The following CCBE1 variants were observed in gnomAD, a reference collection of about 807,000 sequenced individuals.
CCBE1 encodes collagen and calcium binding EGF domains 1.
CCBE1 carries 37 observed loss-of-function variants against 50.0 expected under a neutral mutation model. That is an observed-to-expected ratio of 0.74 (90% CI 0.57 to 0.97). The LOEUF (loss-of-function observed/expected upper bound fraction) is 0.97. Ranked by LOEUF, CCBE1 falls within the 50% of genes least tolerant of loss-of-function variation. CCBE1 has a pLI of 0.00. For missense variants in CCBE1, 538 were observed against 523.8 expected (o/e 1.03, Z -0.26); for synonymous variants, 234 against 203.7 (o/e 1.15, Z -1.27).
chr18:59,448,082 C>T lies in CCBE1; in HGVS notation c.676G>A (p.Ala226Thr), dbSNP rs898844222. ...KQKIALLPNN[A>T]ADLGKYITGD... is the part of the protein sequence containing the mutation. ...GTGATATACTTGCCCAGGTCAGCTG[C>T]ATTGTTGGGGAGCAGAGCAATCTGC... The change falls in exon 7 of 11, where the codon GCA (alanine) becomes ACA (threonine). Residue 226 changes from alanine to threonine, a missense_variant. Ala to Thr is a moderately conservative substitution (Grantham distance 58, BLOSUM62 0). Transcript: ENST00000439986. 6.2e-7 allele frequency: 1 copy of T among 1,613,972 alleles called. No homozygotes were observed.
intron 2 of CCBE1, among the ~76,000 whole-genome samples, chr18:59,491,525 T>TA (rs1429216081): frequency 1.3e-5 from 2 of 152,152 alleles, no homozygotes; most frequent in Non-Finnish European, 2.9e-5. Flanking sequence ...ATAGAAAAAA[T>TA]AAAAATGGCC....
At position 59,439,693 on chromosome 18, in the gene CCBE1, C is replaced by T. The variant is rs747194624; in HGVS notation, c.899G>A (p.Gly300Asp). ...PSPDLSHIKQ[G>D]RRGPVGPPGA... ...GATACTGACCACAGGGCCCCTCCGGCCTTGCTTAATGTGGGACAGATCAGG... is the reference window on the plus strand; with the variant it reads ...GATACTGACCACAGGGCCCCTCCGGTCTTGCTTAATGTGGGACAGATCAGG... Residue 300 changes from glycine to aspartate, a missense_variant, in exon 8 of 11, where the codon GGC (glycine) becomes GAC (aspartate). Transcript: ENST00000439986. 3.7e-6 allele frequency: 6 copies of T among 1,614,258 alleles called. No individual in the cohort carries two copies. The highest frequency in any genetic ancestry group is 5.1e-6 in the Non-Finnish European group (6 of 1,180,052).
intron 2 of CCBE1, among the ~76,000 whole-genome samples, chr18:59,545,007 T>C (rs940455378): frequency 6.6e-6 from 1 of 152,168 alleles, no homozygotes; most frequent in African/African-American, 2.4e-5. Flanking sequence ...CAATATACAA[T>C]TGAAAGAGCT....
chr18:59,471,117 G>A (rs1295729199), intron 3 of CCBE1, among the ~76,000 whole-genome samples: 2 of 152,174 alleles, frequency 1.3e-5, no homozygotes, highest in African/African-American at 4.8e-5. Flanking sequence ...GTTGGCTGTT[G>A]CCACCATTCC....
chr18:59,469,439 T>A, intron 4 of CCBE1, 34 bp downstream of exon 4: 1 of 1,613,992 alleles, frequency 6.2e-7, no homozygotes, highest in Non-Finnish European at 8.5e-7. Flanking sequence ...AGGCACATGT[T>A]CAGAAGCTGG....
At chr18:59,439,023 A>G in intron 9 of CCBE1, among the ~76,000 whole-genome samples, 1 of 152,234 alleles carries the variant, frequency 6.6e-6, no homozygotes, top group South Asian at 2.1e-4. Context: ...GTGGTGGCTC[A>G]CGCCTGTAAT....
In CCBE1 at chr18:59,435,688, A is replaced by G; in HGVS notation, c.*220T>C. ...CCACCCCAATGGACTCTTAGTGAGA[A>G]GCAGGTAAATCAATCATTCACTCCC... On this transcript the variant is annotated 3_prime_UTR_variant, in exon 11 of 11. Transcript: ENST00000439986. 1.7e-6 allele frequency: 1 copy of G among 604,464 alleles called. No homozygotes were observed. The highest frequency in any genetic ancestry group is 2.9e-5 in the Admixed American group (1 of 34,504). The allele number at this position is 604,464 out of a possible 1,614,324, so 37.4% of individuals were successfully genotyped here.
chr18:59,612,627 C>A (rs1007398022), intron 2 of CCBE1, among the ~76,000 whole-genome samples: 1 of 152,128 alleles, frequency 6.6e-6, no homozygotes, highest in African/African-American at 2.4e-5. Context: ...ACTTGGACAG[C>A]TGAAATAAAT....
intron 2 of CCBE1, among the ~76,000 whole-genome samples, chr18:59,603,222 G>A (rs936921538): frequency 6.6e-6 from 1 of 152,176 alleles, no homozygotes; most frequent in Non-Finnish European, 1.5e-5. Context: ...GACTTCCACC[G>A]CCTCAAATAT....
chr18:59,620,169 C>A (rs969409512), intron 2 of CCBE1, among the ~76,000 whole-genome samples: 1 of 152,198 alleles, frequency 6.6e-6, no homozygotes, highest in South Asian at 2.1e-4. Context: ...TGACTCCAGG[C>A]CCCTTAGAGC....
intron 2 of CCBE1, among the ~76,000 whole-genome samples, chr18:59,569,335 G>C (rs979635832): frequency 4.6e-5 from 7 of 152,142 alleles, no homozygotes; most frequent in Admixed American, 1.3e-4. Context: ...CCTAAAAATG[G>C]TATATCTGGT....
intron 2 of CCBE1, among the ~76,000 whole-genome samples, chr18:59,668,249 C>A (rs562008088): frequency 7.2e-5 from 11 of 152,030 alleles, no homozygotes; most frequent in Non-Finnish European, 1.6e-4. Flanking sequence ...GAAACCCAGT[C>A]TCTACTAAAA....
intron 2 of CCBE1, among the ~76,000 whole-genome samples, chr18:59,488,891 A>T (rs1912956342): frequency 6.6e-6 from 1 of 152,130 alleles, no homozygotes; most frequent in Admixed American, 6.5e-5. Context: ...CACCGAGCCC[A>T]CCTGAAAGAC....
chr18:59,582,239 G>C lies in CCBE1; in HGVS notation c.213-102001C>G, dbSNP rs76252614. On this transcript the variant is annotated intron_variant, in intron 2 of 10. Transcript: ENST00000439986. ...AAGTCTTCACCGCCACCTCTCCCCC[G>C]TCAGTTAACTTTCTTATACTTTCTC... Among the ~76,000 whole-genome samples the C allele has an allele frequency of 8.1e-3, 1,228 of 152,162 alleles. 24 individuals carry two copies. The highest frequency in any genetic ancestry group is 0.028 in the African/African-American group (1,154 of 41,526).
intron 2 of CCBE1, among the ~76,000 whole-genome samples, chr18:59,598,383 C>T (rs1024981009): frequency 6.6e-6 from 1 of 152,192 alleles, no homozygotes; most frequent in Non-Finnish European, 1.5e-5. Flanking sequence ...ACATGGTCTG[C>T]ACCAGCCACA....
At chr18:59,579,808 G>T (rs1199738878) in intron 2 of CCBE1, among the ~76,000 whole-genome samples, 1 of 152,066 alleles carries the variant, frequency 6.6e-6, no homozygotes, top group African/African-American at 2.4e-5. Context: ...TACTTTACTG[G>T]CACATGCTGA....
intron 2 of CCBE1, among the ~76,000 whole-genome samples, chr18:59,556,822 A>C (rs2144433690): frequency 6.6e-6 from 1 of 152,358 alleles, no homozygotes; most frequent in South Asian, 2.1e-4. Context: ...GTTTAAGGTT[A>C]AAATAGACAA....
At chr18:59,628,942 T>TA (rs1328291348) in intron 2 of CCBE1, among the ~76,000 whole-genome samples, 4 of 152,216 alleles carry the variant, frequency 2.6e-5, no homozygotes, top group African/African-American at 9.6e-5. Flanking sequence ...TCTCCTCTGC[T>TA]ACCTCTGAGT....
chr18:59,681,199 G>A (rs2054585170), intron 2 of CCBE1, among the ~76,000 whole-genome samples: 1 of 152,176 alleles, frequency 6.6e-6, no homozygotes, highest in Non-Finnish European at 1.5e-5. Context: ...CGATGAAAAT[G>A]GCAGCAAGGC....
Sources: allele counts gnomAD v4.1 joint callset (sites outside exome capture counted in the v4.1 genomes callset), GRCh38; gene constraint gnomAD v4.1.1; transcripts MANE v1.5; gene names NCBI Gene and HGNC (gene_info 2026-07-23, HGNC 2026-07-21).